Variants in XRCC5 observed in about 807,000 individuals in gnomAD.
The protein encoded by XRCC5 is X-ray repair cross complementing 5, also known as DNA repair protein Ku80.
In XRCC5, 12 loss-of-function variants were observed where a neutral mutation model predicts 95.7. The observed-to-expected ratio is 0.13, with a 90% confidence interval of 0.08 to 0.20. XRCC5 has a LOEUF of 0.20. Among genes scored for constraint, XRCC5 ranks in the 10% least tolerant of loss-of-function variants. The probability of loss-of-function intolerance (pLI) is 1.00; values close to 1 mark genes in which losing one functional copy is unlikely to be tolerated. For missense variants in XRCC5, 595 were observed against 873.9 expected (o/e 0.68, Z 4.02); for synonymous variants, 281 against 290.3 (o/e 0.97, Z 0.33).
intron 16 of XRCC5, among the ~76,000 whole-genome samples, chr2:216,173,817 G>A (rs1418409134): frequency 1.3e-5 from 2 of 152,174 alleles, no homozygotes; most frequent in Non-Finnish European, 2.9e-5. Flanking sequence ...TCTGCCTTCT[G>A]ATGTGGGGTG....
intron 6 of XRCC5, among the ~76,000 whole-genome samples, chr2:216,123,626 C>T (rs574360282): frequency 9.9e-5 from 15 of 152,064 alleles, no homozygotes; most frequent in African/African-American, 2.7e-4. Flanking sequence ...GCCAGCGTGG[C>T]GAAACCCCGT....
chr2:216,172,407 A>G (rs1329323518), intron 16 of XRCC5, among the ~76,000 whole-genome samples: 1 of 151,672 alleles, frequency 6.6e-6, no homozygotes, highest in African/African-American at 2.4e-5. Context: ...TTTTCTAAAA[A>G]TGTTTTAACT....
intron 16 of XRCC5, among the ~76,000 whole-genome samples, chr2:216,165,426 G>T (rs1195305727): frequency 6.6e-6 from 1 of 152,188 alleles, no homozygotes; most frequent in African/African-American, 2.4e-5. Flanking sequence ...GTCGGAAAAT[G>T]GATTGCTTAT....
rs1487492140 is a variant in XRCC5, at chr2:216,141,322, AAG to A, written c.1476+7_1476+8del. On this transcript the variant is annotated splice_donor_5th_base_variant and intron_variant, in intron 13 of 20. Coordinates refer to ENST00000392132, the MANE Select transcript of XRCC5 (RefSeq NM_021141.4). ...CTCGATTTCAGAGATTATTTCAGGT[AAG>A]AGAAGAAGGATGAACAAGTCATATT... 1.9e-6 allele frequency: 3 copies of A among 1,614,014 alleles called. No homozygotes were observed. The highest frequency in any genetic ancestry group is 1.7e-6 in the Non-Finnish European group (2 of 1,179,916).
At chr2:216,125,761 C>T (rs1480100611) in intron 6 of XRCC5, among the ~76,000 whole-genome samples, 156 bp from the exon 7 acceptor site, 1 of 152,224 alleles carries the variant, frequency 6.6e-6, no homozygotes, top group Non-Finnish European at 1.5e-5. Context: ...GGCTATATCT[C>T]CCAACTTGTG....
chr2:216,187,813 ACACACACACTCTCTCTCT>A (rs1441832459), intron 16 of XRCC5, among the ~76,000 whole-genome samples: 13 of 107,940 alleles, frequency 1.2e-4, no homozygotes, highest in African/African-American at 4.6e-4. Context: ...ACACACACAC[ACACACACACTCTCTCTCT>A]CTCTCTCTCT....
chr2:216,160,256 T>G, intron 15 of XRCC5, 95 bp downstream of exon 15: 1 of 760,536 alleles, frequency 1.3e-6, no homozygotes, highest in Non-Finnish European at 2.1e-6. Context: ...TCTTACCACT[T>G]TCAAGTTAAG....
At chr2:216,191,568 G>A (rs982482414) in intron 17 of XRCC5, among the ~76,000 whole-genome samples, 1 of 151,664 alleles carries the variant, frequency 6.6e-6, no homozygotes, top group Non-Finnish European at 1.5e-5. Context: ...ATGCCACCAC[G>A]CCCAGCTAAT....
Position 216,138,074 on chromosome 2 carries a change from T to C in XRCC5, c.1252-15T>C. ...TTTCATCGTTTCTGCTTTTACCCCCTTTCTTTCTCATTAGTGTTTAGTGTA... is the reference window on the plus strand; with the variant it reads ...TTTCATCGTTTCTGCTTTTACCCCCCTTCTTTCTCATTAGTGTTTAGTGTA... On this transcript the variant is annotated splice_polypyrimidine_tract_variant and intron_variant, in intron 11 of 20. Transcript: ENST00000392132. 2 of 1,592,502 alleles carry C rather than the reference T, an allele frequency of 1.3e-6. No individual in the cohort carries two copies. The highest frequency in any genetic ancestry group is 2.2e-5 in the South Asian group (2 of 89,186).
intron 2 of XRCC5, among the ~76,000 whole-genome samples, chr2:216,114,502 G>A (rs1479519154): frequency 2.0e-5 from 3 of 152,054 alleles, no homozygotes; most frequent in Non-Finnish European, 1.5e-5. Context: ...GTAGACATGA[G>A]CAGGGCAGGA....
chr2:216,170,990 G>T (rs1218810885), intron 16 of XRCC5, among the ~76,000 whole-genome samples: 2 of 152,184 alleles, frequency 1.3e-5, no homozygotes, highest in Non-Finnish European at 2.9e-5. Flanking sequence ...AGCCCAGCTG[G>T]TTGAAAAAGG....
intron 16 of XRCC5, chr2:216,175,404 T>C: frequency 3.9e-6 from 2 of 516,662 alleles, no homozygotes. Context: ...CCATCACCTC[T>C]GTGATCCTGC....
chr2:216,184,732 C>T (rs542063484), intron 16 of XRCC5, among the ~76,000 whole-genome samples: 45 of 152,358 alleles, frequency 3.0e-4, no homozygotes, highest in Non-Finnish European at 5.0e-4. Context: ...CCGCCCGTCT[C>T]GGCCTCCCAA....
intron 18 of XRCC5, among the ~76,000 whole-genome samples, chr2:216,194,046 A>G (rs2106049368): frequency 6.6e-6 from 1 of 152,342 alleles, no homozygotes; most frequent in Non-Finnish European, 1.5e-5. Context: ...CATGGCCACA[A>G]GACAAAATGC....
At chr2:216,142,227 T>C (rs1697184131) in intron 13 of XRCC5, among the ~76,000 whole-genome samples, 1 of 152,142 alleles carries the variant, frequency 6.6e-6, no homozygotes, top group Non-Finnish European at 1.5e-5. Context: ...TTGTTTTCTA[T>C]ATCAAAATAG....
chr2:216,127,891 G>A (rs890280871), intron 8 of XRCC5: 6 of 318,610 alleles, frequency 1.9e-5, no homozygotes, highest in Non-Finnish European at 3.4e-5. Context: ...TTCCATCTCT[G>A]TGAGTTTTAA....
chr2:216,155,916 T>G (rs1169113446), intron 14 of XRCC5, among the ~76,000 whole-genome samples: 1 of 152,144 alleles, frequency 6.6e-6, no homozygotes, highest in Non-Finnish European at 1.5e-5. Flanking sequence ...AGCCCATATT[T>G]GATAATGTGC....
At chr2:216,204,483 T>G (rs895841734) in intron 20 of XRCC5, 87 bp downstream of exon 20, 1 of 1,425,226 alleles carries the variant, frequency 7.0e-7, no homozygotes, top group African/African-American at 1.4e-5. Context: ...TATCTTACAC[T>G]TGTTGCTTAT....
chr2:216,196,216 G>GT (rs1410802035), intron 19 of XRCC5, among the ~76,000 whole-genome samples: 6 of 137,444 alleles, frequency 4.4e-5, no homozygotes, highest in African/African-American at 1.5e-4. Flanking sequence ...AAAGATTTTT[G>GT]TTAAAAAAAA....
Sources: allele counts gnomAD v4.1 joint callset (sites outside exome capture counted in the v4.1 genomes callset), GRCh38; gene constraint gnomAD v4.1.1; transcripts MANE v1.5; gene names NCBI Gene and HGNC (gene_info 2026-07-23, HGNC 2026-07-21).